Variants in TXNDC11 observed in about 807,000 individuals in gnomAD.
The protein encoded by TXNDC11 is thioredoxin domain-containing protein 11.
TXNDC11 carries 68 observed loss-of-function variants against 78.0 expected under a neutral mutation model. The ratio of observed to expected loss-of-function variants is 0.87; its 90% confidence interval spans 0.72 to 1.07. The LOEUF (loss-of-function observed/expected upper bound fraction) is 1.07. Ranked by LOEUF, TXNDC11 falls within the 50% of genes least tolerant of loss-of-function variation. TXNDC11 has a pLI of 0.00. For synonymous variants in TXNDC11, 571 were observed against 495.2 expected (o/e 1.15, Z -2.03); for missense variants, 1,389 against 1,221.8 (o/e 1.14, Z -2.04).
At chr16:11,718,221 A>G (rs941597013) in intron 5 of TXNDC11, among the ~76,000 whole-genome samples, 1 of 152,160 alleles carries the variant, frequency 6.6e-6, no homozygotes, top group African/African-American at 2.4e-5. Flanking sequence ...AGCTAGCTTC[A>G]AAAAACAAAT....
chr16:11,696,560 G>GTGC (rs1448972683), intron 7 of TXNDC11, among the ~76,000 whole-genome samples: 1 of 152,212 alleles, frequency 6.6e-6, no homozygotes. Context: ...AAAGGGAAAT[G>GTGC]TGCTGGACAG....
Position 11,688,296 on chromosome 16 carries a change from T to TC in TXNDC11, c.2043+6dup. On this transcript the variant is annotated splice_region_variant and intron_variant, in intron 9 of 11. Coordinates refer to ENST00000283033, the MANE Select transcript of TXNDC11 (RefSeq NM_015914.7). ...TGGCTTAACTTTTGCCTCTCATGAC[T>TC]CCATACCTGTTTTTGAAGGACTACT... The TC allele has an allele frequency of 6.2e-7, 1 of 1,612,920 alleles. No individual in the cohort carries two copies. Among genetic ancestry groups the TC allele is most frequent in the South Asian group, 1.1e-5 (1 of 90,964 alleles).
chr16:11,733,149 C>T lies in TXNDC11; in HGVS notation c.569+833G>A, dbSNP rs545538067. 1.2e-3 allele frequency among the ~76,000 whole-genome samples: 176 copies of T among 152,070 alleles called. 1 individual carries two copies. Among genetic ancestry groups the T allele is most frequent in the African/African-American group, 4.1e-3 (168 of 41,466 alleles). On this transcript the variant is annotated intron_variant, in intron 3 of 11. Transcript: ENST00000283033. The stretch of plus-strand genomic sequence containing the variant: ...GCAGGCACCTGTAATCCCAGCTACT[C>T]GGGAGGCTGAGGCAGGAGAACGGCT...
chr16:11,679,721 G>A lies in TXNDC11; in HGVS notation c.2351C>T (p.Pro784Leu). 2 of 1,614,228 alleles carry A rather than the reference G, an allele frequency of 1.2e-6. No individual in the cohort carries two copies. Among genetic ancestry groups the A allele is most frequent in the Non-Finnish European group, 1.7e-6 (2 of 1,180,036 alleles). The change falls in exon 12 of 12, where the codon CCT becomes CTT. Residue 784 changes from proline (P) to leucine (L), a missense_variant. By Grantham distance (98) the Pro-to-Leu change is moderately conservative. Coordinates refer to ENST00000283033, the MANE Select transcript of TXNDC11 (RefSeq NM_015914.7). This position sits in a 1 kb window ranked among gnomAD's most constrained non-coding sequence, Gnocchi z 4.6. ...CTCGCTCTGAAGACACTCCTTGGTAGGAGAGTTAGCCACATTCTGGGGGCT... is the reference window on the plus strand; with the variant it reads ...CTCGCTCTGAAGACACTCCTTGGTAAGAGAGTTAGCCACATTCTGGGGGCT... ...ASSPQNVANS[P>L]TKECLQSEAV...
intron 5 of TXNDC11, among the ~76,000 whole-genome samples, chr16:11,716,013 A>G (rs2051516587): frequency 6.6e-6 from 1 of 152,234 alleles, no homozygotes; most frequent in African/African-American, 2.4e-5. Flanking sequence ...AAAGTATTTC[A>G]TGATTTGACC....
At position 11,691,908 on chromosome 16, in the gene TXNDC11, C is replaced by A. The variant is rs1192554456; in HGVS notation, c.1282G>T (p.Val428Leu). The change falls in exon 8 of 12, where the codon GTG (valine) becomes TTG (leucine). Residue 428 changes from valine (V) to leucine (L), a missense_variant. Coordinates refer to ENST00000283033, the MANE Select transcript of TXNDC11 (RefSeq NM_015914.7). ...GAGAAGGAGTGCCACTGGGGCAGCA[C>A]CACAGTGTTGCAGCAGGGGGACGCT... Reference protein sequence around the residue: ...ITASPCCNTVVLPQWHSFSRT... With the variant: ...ITASPCCNTVLLPQWHSFSRT... 9 of 1,613,868 alleles carry A rather than the reference C, an allele frequency of 5.6e-6. No individual in the cohort carries two copies. Among genetic ancestry groups the A allele is most frequent in the Non-Finnish European group, 7.6e-6 (9 of 1,179,744 alleles).
intron 4 of TXNDC11, among the ~76,000 whole-genome samples, chr16:11,727,998 C>CAA (rs2141105561): frequency 6.6e-6 from 1 of 152,278 alleles, no homozygotes; most frequent in East Asian, 1.9e-4. Flanking sequence ...AAATATCCTA[C>CAA]AAACCACAGG....
At chr16:11,713,344 G>C (rs1327549688) in intron 5 of TXNDC11, among the ~76,000 whole-genome samples, 2 of 151,688 alleles carry the variant, frequency 1.3e-5, no homozygotes, top group African/African-American at 4.8e-5. Flanking sequence ...AAATATACAA[G>C]GATTCCTTTG....
intron 1 of TXNDC11, among the ~76,000 whole-genome samples, chr16:11,738,181 G>C (rs1344129823): frequency 1.3e-5 from 2 of 152,170 alleles, no homozygotes; most frequent in Non-Finnish European, 2.9e-5. Context: ...AGTGAAAAAA[G>C]TGCTAAAGAG....
chr16:11,687,942 G>A lies in TXNDC11; in HGVS notation c.2068C>T (p.Pro690Ser). 2.5e-6 allele frequency: 4 copies of A among 1,613,760 alleles called. No individual in the cohort carries two copies. The highest frequency in any genetic ancestry group is 3.4e-6 in the Non-Finnish European group (4 of 1,179,782). ...KQDVLLLYYA[P>S]WCGFCPSLNH... ...AGGGATGGACAGAAGCCGCACCACGGAGCGTAATAGAGCAGGAGAACGTCC... is the reference window on the plus strand; with the variant it reads ...AGGGATGGACAGAAGCCGCACCACGAAGCGTAATAGAGCAGGAGAACGTCC... Residue 690 changes from proline to serine, a missense_variant, in exon 10 of 12, where the codon CCG becomes TCG. Transcript: ENST00000283033.
chr16:11,712,858 T>G (rs8063099), intron 5 of TXNDC11, among the ~76,000 whole-genome samples: 71,119 of 150,648 alleles, frequency 0.47, 17,063 homozygotes, highest in Middle Eastern at 0.57. Context: ...AAGGCTGAGG[T>G]GGTTGGATCA....
At chr16:11,721,742 C>A in intron 4 of TXNDC11, 72 bp from the exon 5 acceptor site, 1 of 805,524 alleles carries the variant, frequency 1.2e-6, no homozygotes, top group Non-Finnish European at 2.0e-6. Context: ...TATTTTAAAG[C>A]AAGACATATT....
At chr16:11,712,505 G>A (rs1382407731) in intron 5 of TXNDC11, among the ~76,000 whole-genome samples, 1 of 152,144 alleles carries the variant, frequency 6.6e-6, no homozygotes, top group Non-Finnish European at 1.5e-5. Context: ...TCCTGCTGAT[G>A]GCAGGAAATG....
intron 3 of TXNDC11, among the ~76,000 whole-genome samples, 179 bp from the exon 4 acceptor site, chr16:11,730,953 C>T (rs574824466): frequency 6.6e-6 from 1 of 152,234 alleles, no homozygotes; most frequent in East Asian, 1.9e-4. Flanking sequence ...GAATTAAGAA[C>T]AAGCATTTTG....
intron 1 of TXNDC11, among the ~76,000 whole-genome samples, chr16:11,737,683 G>A (rs2052266068): frequency 6.6e-6 from 1 of 151,500 alleles, no homozygotes; most frequent in Non-Finnish European, 1.5e-5. Flanking sequence ...CTAACATGGT[G>A]AAACCCCATC....
At chr16:11,680,117 C>T (rs972438632) in intron 11 of TXNDC11, among the ~76,000 whole-genome samples, 1 of 152,182 alleles carries the variant, frequency 6.6e-6, no homozygotes, top group Non-Finnish European at 1.5e-5. Context: ...GCTCCTAGGC[C>T]CAGGCCTAAA....
chr16:11,688,189 T>C (rs1280302649), intron 9 of TXNDC11, 114 bp downstream of exon 9: 2 of 1,180,820 alleles, frequency 1.7e-6, no homozygotes, highest in Non-Finnish European at 2.4e-6. Flanking sequence ...AATTGGGCCA[T>C]CACGTGGTTA....
At chr16:11,718,864 C>T (rs1427273424) in intron 5 of TXNDC11, among the ~76,000 whole-genome samples, 1 of 152,164 alleles carries the variant, frequency 6.6e-6, no homozygotes, top group Non-Finnish European at 1.5e-5. Context: ...AGCACATAAA[C>T]TTGTCAAAAT....
At chr16:11,707,046 T>A (rs1032308404) in intron 5 of TXNDC11, among the ~76,000 whole-genome samples, 6 of 152,202 alleles carry the variant, frequency 3.9e-5, no homozygotes, top group Non-Finnish European at 8.8e-5. Context: ...TATTTGGGGA[T>A]CCTAGAACTA....
Sources: allele counts gnomAD v4.1 joint callset (sites outside exome capture counted in the v4.1 genomes callset), GRCh38; gene constraint gnomAD v4.1.1; non-coding constraint Gnocchi (gnomAD v3.1); transcripts MANE v1.5; gene names NCBI Gene and HGNC (gene_info 2026-07-23, HGNC 2026-07-21).